Variants in ZFPM1 observed in about 807,000 individuals in gnomAD.
ZFPM1 encodes the protein zinc finger protein ZFPM1.
In ZFPM1, 28 loss-of-function variants were observed where a neutral mutation model predicts 46.3. The observed-to-expected ratio is 0.60, with a 90% CI of 0.45 to 0.83. The LOEUF (loss-of-function observed/expected upper bound fraction) is 0.83. Among genes scored for constraint, ZFPM1 ranks in the 40% least tolerant of loss-of-function variants. The probability of loss-of-function intolerance (pLI) is 0.00; values close to 1 mark genes in which losing one functional copy is unlikely to be tolerated. For missense variants in ZFPM1, 1,878 were observed against 1,432.4 expected (o/e 1.31, Z -5.02); for synonymous variants, 957 against 675.9 (o/e 1.42, Z -6.45).
At position 88,526,777 on chromosome 16, in the gene ZFPM1, G is replaced by C. The variant is rs776020338; in HGVS notation, c.403-37G>C. 4.6e-6 allele frequency: 7 copies of C among 1,532,526 alleles called. No individual in the cohort carries two copies. In the African/African-American group the frequency reaches 5.7e-5, roughly 13 times the overall value. 94.9% of individuals were successfully genotyped at this position (1,532,526 alleles called of 1,614,324 possible). ...GGGAACCCCCAGGCAGGCTGCTGACGGACCCCTCCCCACGTGTTCCTACCC... is the reference window on the plus strand; with the variant it reads ...GGGAACCCCCAGGCAGGCTGCTGACCGACCCCTCCCCACGTGTTCCTACCC... On this transcript the variant is annotated intron_variant, in intron 4 of 9. Coordinates refer to ENST00000319555, the MANE Select transcript of ZFPM1 (RefSeq NM_153813.3).
intron 1 of ZFPM1, among the ~76,000 whole-genome samples, chr16:88,465,206 G>T (rs1424282838): frequency 1.3e-5 from 2 of 152,210 alleles, no homozygotes; most frequent in African/African-American, 2.4e-5. Flanking sequence ...CTCACAGCAG[G>T]GCCCGGGCTG....
chr16:88,492,232 G>A (rs970273105), intron 3 of ZFPM1, among the ~76,000 whole-genome samples: 8 of 150,284 alleles, frequency 5.3e-5, no homozygotes, highest in East Asian at 1.9e-4. Flanking sequence ...TCCCTCACCC[G>A]TCTCTGCCCC....
chr16:88,462,321 C>T (rs1210975704), intron 1 of ZFPM1, among the ~76,000 whole-genome samples: 2 of 152,226 alleles, frequency 1.3e-5, no homozygotes, highest in Non-Finnish European at 2.9e-5. Context: ...CTGAAGTGAG[C>T]CCGGCGTGCT....
rs1161250466 is a variant in ZFPM1 at position 88,532,005 on chromosome 16, A to G, written c.716A>G (p.Asp239Gly). Residue 239 changes from aspartate to glycine, a missense_variant, in exon 7 of 10, where the codon GAC becomes GGC. Transcript: ENST00000319555. ...SILATAVINK[D>G]VFPCKDCGIW... is the part of the protein sequence containing the mutation. ...CCGCCTGCTTCCCACCCCACAGAAG[A>G]CGTCTTCCCCTGCAAGGACTGTGGC... The G allele has an allele frequency of 6.3e-7, 1 of 1,597,964 alleles. No individual in the cohort carries two copies. Among genetic ancestry groups the G allele is most frequent in the South Asian group, 1.1e-5 (1 of 89,954 alleles).
intron 1 of ZFPM1, among the ~76,000 whole-genome samples, chr16:88,466,058 G>A (rs145897396): frequency 3.3e-5 from 5 of 152,322 alleles, no homozygotes; most frequent in African/African-American, 1.2e-4. Context: ...CTGTGGAGCC[G>A]CCTGGGCTCC....
Position 88,534,519 on chromosome 16 carries a change from C to T in ZFPM1, c.2561C>T (p.Ala854Val), listed in dbSNP as rs762025402. ...CCCGGCGCGCTCGGCCTGCCCGCCG[C>T]CGCCTGCCCCTACTGCCCCCCGAAC... ...PPPGALGLPA[A>V]ACPYCPPNGP... The change falls in exon 10 of 10, where the codon GCC (alanine) becomes GTC (valine). Residue 854 changes from alanine to valine, a missense_variant. Ala to Val is a moderately conservative substitution (Grantham distance 64). Transcript: ENST00000319555. The T allele has an allele frequency of 2.8e-6, 4 of 1,437,580 alleles. No homozygotes were observed. Among genetic ancestry groups the T allele is most frequent in the South Asian group, 1.3e-5 (1 of 75,412 alleles). 89.1% of individuals were successfully genotyped at this position (1,437,580 alleles called of 1,614,324 possible). A position where few individuals can be genotyped will look rare whatever the true frequency, so the allele number is the denominator to read the frequency against.
Position 88,533,389 on chromosome 16 carries a change from C to A in ZFPM1, c.1431C>A (p.Gly477=). The A allele has an allele frequency of 6.6e-7, 1 of 1,523,224 alleles. No individual in the cohort carries two copies. The highest frequency in any genetic ancestry group is 8.8e-7 in the Non-Finnish European group (1 of 1,141,664). 94.4% of individuals were successfully genotyped at this position (1,523,224 alleles called of 1,614,324 possible). Residue 477 remains glycine, a synonymous_variant, in exon 10 of 10, where the codon GGC becomes GGA. Transcript: ENST00000319555. ...VEEPEAAPIL[G]PGEPGPQAPS... ...AGCCGGAGGCGGCCCCCATCCTGGGCCCCGGAGAGCCTGGGCCCCAGGCCC... is the reference window on the plus strand; with the variant it reads ...AGCCGGAGGCGGCCCCCATCCTGGGACCCGGAGAGCCTGGGCCCCAGGCCC...
Position 88,527,123 on chromosome 16 carries a change from G to A in ZFPM1, c.505+207G>A, listed in dbSNP as rs182346428. 8.7e-4 allele frequency among the ~76,000 whole-genome samples: 133 copies of A among 152,272 alleles called. 1 individual carries two copies. Among genetic ancestry groups the A allele is most frequent in the Admixed American group, 2.2e-3 (33 of 15,310 alleles). On this transcript the variant is annotated intron_variant, in intron 5 of 9. Transcript: ENST00000319555. ...CCATGAGTCCCTGTATGAGGGTCCC[G>A]ACTGGCAGGCTGAGCCAGGACAGGT... is the stretch of plus-strand genomic sequence containing the variant.
chr16:88,533,497 G>A lies in ZFPM1; in HGVS notation c.1539G>A (p.Pro513=), dbSNP rs1430748892. The A allele has an allele frequency of 7.1e-7, 1 of 1,402,236 alleles. No homozygotes were observed. Among genetic ancestry groups the A allele is most frequent in the Non-Finnish European group, 9.2e-7 (1 of 1,083,708 alleles). 86.9% of individuals were successfully genotyped at this position (1,402,236 alleles called of 1,614,324 possible). The change falls in exon 10 of 10, where the codon CCG becomes CCA. Residue 513 remains proline (P), a synonymous_variant. Coordinates refer to ENST00000319555, the MANE Select transcript of ZFPM1 (RefSeq NM_153813.3). The part of the protein sequence containing the change: ...ELSSPTPGSS[P]VPGELGLAGA... ...CCAGCCCCACGCCGGGCTCCAGCCC[G>A]GTGCCCGGCGAGCTGGGCCTGGCCG...
intron 3 of ZFPM1, among the ~76,000 whole-genome samples, chr16:88,499,601 C>G (rs1910136843): frequency 6.6e-6 from 1 of 152,236 alleles, no homozygotes; most frequent in Non-Finnish European, 1.5e-5. Flanking sequence ...GTGTGGGGGA[C>G]CCCACCTGGG....
intron 3 of ZFPM1, among the ~76,000 whole-genome samples, chr16:88,495,419 G>A (rs1909879345): frequency 6.6e-6 from 1 of 152,238 alleles, no homozygotes; most frequent in Non-Finnish European, 1.5e-5. Flanking sequence ...CTCGCCCAGG[G>A]CTACCTGGGG....
chr16:88,499,372 C>T (rs1910121008), intron 3 of ZFPM1, among the ~76,000 whole-genome samples: 1 of 152,140 alleles, frequency 6.6e-6, no homozygotes, highest in Admixed American at 6.5e-5. Flanking sequence ...CAGACCTCCT[C>T]CAGAGCAGCC....
At chr16:88,506,863 T>C (rs992514806) in intron 3 of ZFPM1, among the ~76,000 whole-genome samples, 1 of 152,172 alleles carries the variant, frequency 6.6e-6, no homozygotes, top group African/African-American at 2.4e-5. Context: ...CAAGCTCTGG[T>C]GCATCCATGG....
At chr16:88,531,851 G>A in intron 6 of ZFPM1, 151 bp from the exon 7 acceptor site, 2 of 699,788 alleles carry the variant, frequency 2.9e-6, no homozygotes, top group Non-Finnish European at 4.7e-6. Flanking sequence ...CATCCAGGAG[G>A]CTTACAGTTA....
At chr16:88,454,538 C>G (rs1348196862) in intron 1 of ZFPM1, among the ~76,000 whole-genome samples, 1 of 152,192 alleles carries the variant, frequency 6.6e-6, no homozygotes, top group Non-Finnish European at 1.5e-5. Flanking sequence ...CTGCACGCCA[C>G]TAAGTTTCTC....
intron 1 of ZFPM1, among the ~76,000 whole-genome samples, chr16:88,465,029 G>C (rs955084167): frequency 1.5e-5 from 2 of 135,142 alleles, no homozygotes; most frequent in African/African-American, 5.3e-5. Flanking sequence ...TTTTGAAAAA[G>C]AAGGTAGGGA....
rs777688210 is a variant in ZFPM1 at position 88,533,593 on chromosome 16, G to C, written c.1635G>C (p.Lys545Asn). The C allele has an allele frequency of 6.7e-6, 10 of 1,497,782 alleles. No individual in the cohort carries two copies. In the Admixed American group the frequency reaches 2.1e-4, roughly 32 times the overall value. The allele number at this position is 1,497,782 out of a possible 1,614,324, so 92.8% of individuals were successfully genotyped here. A position where few individuals can be genotyped will look rare whatever the true frequency, so the allele number is the denominator to read the frequency against. Reference sequence around the variant, plus strand: ...CCCCCGCCTCGGAGATCCTGGCCAAGATGTCCGAGCTGGTGCACAGCCGGC... The same window carrying C: ...CCCCCGCCTCGGAGATCCTGGCCAACATGTCCGAGCTGGTGCACAGCCGGC... ...AAPPASEILA[K>N]MSELVHSRLQ... Residue 545 changes from lysine (K) to asparagine (N), a missense_variant, in exon 10 of 10, where the codon AAG becomes AAC. Lys to Asn is a moderately conservative substitution (Grantham distance 94). Coordinates refer to ENST00000319555, the MANE Select transcript of ZFPM1 (RefSeq NM_153813.3).
At chr16:88,526,767 GGCT>G in intron 4 of ZFPM1, 44 bp from the exon 5 acceptor site, 1 of 1,532,980 alleles carries the variant, frequency 6.5e-7, no homozygotes, top group Non-Finnish European at 8.8e-7. Flanking sequence ...CCCCCAGGCA[GGCT>G]GCTGACGGAC....
At chr16:88,463,991 C>T (rs1028252261) in intron 1 of ZFPM1, among the ~76,000 whole-genome samples, 5 of 152,174 alleles carry the variant, frequency 3.3e-5, no homozygotes, top group Non-Finnish European at 5.9e-5. Flanking sequence ...TCCAGGAAGT[C>T]CCAGACCATG....
Sources: allele counts gnomAD v4.1 joint callset (sites outside exome capture counted in the v4.1 genomes callset), GRCh38; gene constraint gnomAD v4.1.1; transcripts MANE v1.5; gene names NCBI Gene and HGNC (gene_info 2026-07-23, HGNC 2026-07-21).